EPN2: variants seen among roughly 807,000 people sequenced by gnomAD.
EPN2 encodes epsin 2.
EPN2 carries 34 observed loss-of-function variants against 61.7 expected under a neutral mutation model. The observed-to-expected ratio is 0.55, with a 90% confidence interval of 0.42 to 0.73. The LOEUF (loss-of-function observed/expected upper bound fraction) is 0.73, where lower values mean the gene tolerates loss of function less well. EPN2 is among the 30% of genes least tolerant of loss of function. The probability of loss-of-function intolerance (pLI) is 0.00; values close to 1 mark genes in which losing one functional copy is unlikely to be tolerated. For missense variants in EPN2, 714 were observed against 839.2 expected (o/e 0.85, Z 1.84); for synonymous variants, 349 against 353.6 (o/e 0.99, Z 0.15).
At chr17:19,324,784 GAT>G (rs1304287428) in intron 7 of EPN2, among the ~76,000 whole-genome samples, 2 of 152,298 alleles carry the variant, frequency 1.3e-5, no homozygotes, top group Admixed American at 6.5e-5. Context: ...TAAGGATAAA[GAT>G]AGAAATTAAT....
At chr17:19,243,847 G>A (rs1268750919) in intron 1 of EPN2, among the ~76,000 whole-genome samples, 1 of 152,138 alleles carries the variant, frequency 6.6e-6, no homozygotes, top group East Asian at 1.9e-4. Context: ...CAGAGAATGT[G>A]TATTTTTAGC....
At chr17:19,315,130 AG>A (rs1400400276) in intron 7 of EPN2, among the ~76,000 whole-genome samples, 1 of 152,182 alleles carries the variant, frequency 6.6e-6, no homozygotes, top group Non-Finnish European at 1.5e-5. Flanking sequence ...CTTGTTTACC[AG>A]GGGTAAGTTT....
chr17:19,321,409 G>A (rs1906630351), intron 7 of EPN2, among the ~76,000 whole-genome samples: 1 of 152,180 alleles, frequency 6.6e-6, no homozygotes. Flanking sequence ...CCATTTCTGG[G>A]ATTTAGGGAT....
chr17:19,246,808 A>C (rs1597967738), intron 1 of EPN2, among the ~76,000 whole-genome samples: 1 of 114,686 alleles, frequency 8.7e-6, no homozygotes, highest in Admixed American at 1.3e-4. Flanking sequence ...TCGCTCTGTC[A>C]CCCAGGCTGG....
chr17:19,333,817 T>C, intron 10 of EPN2, 139 bp from the exon 11 acceptor site: 2 of 586,340 alleles, frequency 3.4e-6, no homozygotes, highest in Non-Finnish European at 5.8e-6. Context: ...TGCTAGTGTC[T>C]GCCATGGACT....
chr17:19,289,075 T>G (rs1269738875), intron 4 of EPN2, among the ~76,000 whole-genome samples: 8 of 67,928 alleles, frequency 1.2e-4, no homozygotes, highest in East Asian at 1.5e-3. Context: ...TCTGGGTATG[T>G]TTTTTTTTTT....
chr17:19,329,678 C>A lies in EPN2; in HGVS notation c.1411+31C>A, dbSNP rs117492904. 525 of 1,328,796 alleles carry A rather than the reference C, an allele frequency of 4.0e-4. 3 individuals carry two copies. In the African/African-American group the frequency reaches 6.8e-3, roughly 17 times the overall value. The allele number at this position is 1,328,796 out of a possible 1,614,324, so 82.3% of individuals were successfully genotyped here. A position where few individuals can be genotyped will look rare whatever the true frequency, so the allele number is the denominator to read the frequency against. ...TACAGGTGATGATGGTTTCCATAAT[C>A]CTCCGTGCATTTGACCAGCTGAGTT... On this transcript the variant is annotated intron_variant, in intron 9 of 10. Transcript: ENST00000314728.
chr17:19,329,503 G>T, intron 8 of EPN2, 58 bp from the exon 9 acceptor site: 1 of 1,050,428 alleles, frequency 9.5e-7, no homozygotes, highest in East Asian at 2.4e-5. Flanking sequence ...ACTGGGCAGT[G>T]GAGTTGCCAT....
chr17:19,277,905 C>T (rs993262837), intron 1 of EPN2, among the ~76,000 whole-genome samples: 1 of 151,814 alleles, frequency 6.6e-6, no homozygotes, highest in Non-Finnish European at 1.5e-5. Flanking sequence ...ACCTCGTCTC[C>T]ACTAAAAATA....
chr17:19,310,397 C>CA (rs1906065617), intron 5 of EPN2, among the ~76,000 whole-genome samples: 1 of 152,156 alleles, frequency 6.6e-6, no homozygotes, highest in African/African-American at 2.4e-5. Context: ...CAGCCCCCGC[C>CA]AAGCACTTTG....
intron 1 of EPN2, chr17:19,274,400 C>T (rs2045286090): frequency 6.6e-6 from 1 of 152,174 alleles, no homozygotes; most frequent in Non-Finnish European, 1.5e-5. Flanking sequence ...AGGAGGCTGC[C>T]AGACATACAT....
chr17:19,329,866 C>T (rs1218949342), intron 9 of EPN2, among the ~76,000 whole-genome samples: 1 of 152,208 alleles, frequency 6.6e-6, no homozygotes, highest in Non-Finnish European at 1.5e-5. Flanking sequence ...GTTAGGATCC[C>T]CAAAGCTTCC....
At chr17:19,276,894 C>T (rs137908212) in intron 1 of EPN2, among the ~76,000 whole-genome samples, 1 of 150,000 alleles carries the variant, frequency 6.7e-6, no homozygotes, top group African/African-American at 2.5e-5. Flanking sequence ...TGTAGAGGTT[C>T]ATAAGAAATT....
In EPN2 at chr17:19,334,034, G is replaced by A; in HGVS notation, c.1706G>A (p.Gly569Glu). The A allele has an allele frequency of 1.2e-6, 2 of 1,604,786 alleles. No individual in the cohort carries two copies. Among genetic ancestry groups the A allele is most frequent in the Non-Finnish European group, 1.7e-6 (2 of 1,174,178 alleles). The change falls in exon 11 of 11, where the codon GGG becomes GAG. Residue 569 changes from glycine to glutamate, a missense_variant. Gly to Glu is a moderately conservative substitution (Grantham distance 98). Around this residue, in one of 2 missense-constraint regions of EPN2, gnomAD observed 410 missense variants for 421.8 expected, o/e 0.97. Transcript: ENST00000314728. This position sits in a 1 kb window ranked among gnomAD's most constrained non-coding sequence, Gnocchi z 4.9. ...PQPLTLNQLR[G>E]SPVLGTSTSF... ...CCGCTGACACTGAACCAGCTTCGGG[G>A]GAGCCCAGTCCTGGGGACCAGCACA... is the stretch of plus-strand genomic sequence containing the variant.
At chr17:19,286,869 A>C (rs749439344) in intron 4 of EPN2, among the ~76,000 whole-genome samples, 1 of 152,236 alleles carries the variant, frequency 6.6e-6, no homozygotes, top group Non-Finnish European at 1.5e-5. Context: ...AAATGATAAA[A>C]GCATTCGTTA....
chr17:19,271,836 T>G (rs1381056777), intron 1 of EPN2: 3 of 152,280 alleles, frequency 2.0e-5, no homozygotes, highest in Non-Finnish European at 2.9e-5. Flanking sequence ...GGAGCTCTCT[T>G]TGAGAAAATA....
At chr17:19,329,266 T>G (rs1056321141) in intron 8 of EPN2, 3 of 447,466 alleles carry the variant, frequency 6.7e-6, no homozygotes, top group Non-Finnish European at 1.2e-5. Context: ...CCCAGCTTGA[T>G]GCACCTCCAC....
intron 1 of EPN2, among the ~76,000 whole-genome samples, chr17:19,262,189 A>C (rs2152208361): frequency 6.8e-6 from 1 of 147,454 alleles, no homozygotes; most frequent in African/African-American, 2.5e-5. Flanking sequence ...TCCATCTAAA[A>C]AAAAACAGGC....
At chr17:19,330,147 GCAGTGGGCCAAGTGGC>G (rs1428007236) in intron 9 of EPN2, among the ~76,000 whole-genome samples, 9 of 152,228 alleles carry the variant, frequency 5.9e-5, no homozygotes, top group Non-Finnish European at 8.8e-5. Context: ...TCAGGTGGAT[GCAGTGGGCCAAGTGGC>G]CAGTGGGCCA....
Sources: allele counts gnomAD v4.1 joint callset (sites outside exome capture counted in the v4.1 genomes callset), GRCh38; gene constraint gnomAD v4.1.1; regional missense constraint gnomAD v4.1.1; non-coding constraint Gnocchi (gnomAD v3.1); transcripts MANE v1.5; gene names NCBI Gene and HGNC (gene_info 2026-07-23, HGNC 2026-07-21).